TTN: variants seen among roughly 807,000 people sequenced by gnomAD.
TTN encodes the protein titin.
A neutral mutation model predicts 3,223.0 loss-of-function variants in TTN; 1,525 were observed. That is an observed-to-expected ratio of 0.47 (90% confidence interval 0.45 to 0.49). The LOEUF (loss-of-function observed/expected upper bound fraction) is 0.49. Among genes scored for constraint, TTN ranks in the 20% least tolerant of loss-of-function variants. TTN has a pLI of 0.00. For missense variants in TTN, 40,786 were observed against 43,424.0 expected (o/e 0.94, Z 5.40); for synonymous variants, 14,094 against 15,161.0 (o/e 0.93, Z 5.17).
Position 178,572,120 on chromosome 2 carries a change from A to G in TTN, c.74012T>C (p.Val24671Ala). ...TAATCCAGTGATAGTGGCTTCAGTGACCTTGACTGTGGCACACGTGGCCCA... is the reference window on the plus strand; with the variant it reads ...TAATCCAGTGATAGTGGCTTCAGTGGCCTTGACTGTGGCACACGTGGCCCA... ...DKWATCATVK[V>A]TEATITGLIQ... Residue 24671 changes from valine (V) to alanine (A), a missense_variant, in exon 326 of 363, where the codon GTC (valine) becomes GCC (alanine). Coordinates refer to ENST00000589042, the MANE Select transcript of TTN (RefSeq NM_001267550.2). The G allele has an allele frequency of 6.2e-7, 1 of 1,613,178 alleles. No individual in the cohort carries two copies. Among genetic ancestry groups the G allele is most frequent in the Non-Finnish European group, 8.5e-7 (1 of 1,179,520 alleles).
At position 178,724,482 on chromosome 2, in the gene TTN, A is replaced by G; in HGVS notation, c.20893T>C (p.Cys6965Arg). 1 of 1,612,342 alleles carries G rather than the reference A, an allele frequency of 6.2e-7. No homozygotes were observed. ...CCAGCCACCTTACACTCCAGAGTGCACGTTTCTCCTACAGTCACCGTCATC... is the reference window on the plus strand; with the variant it reads ...CCAGCCACCTTACACTCCAGAGTGCGCGTTTCTCCTACAGTCACCGTCATC... ...GPMTVTVGET[C>R]TLECKVAGTP... The change falls in exon 72 of 363, where the codon TGC becomes CGC. Residue 6965 changes from cysteine (C) to arginine (R), a missense_variant. By Grantham distance (180) the Cys-to-Arg change is radical. Transcript: ENST00000589042.
chr2:178,720,619 T>C lies in TTN; in HGVS notation c.23143A>G (p.Lys7715Glu). 6.2e-7 allele frequency: 1 copy of C among 1,610,480 alleles called. No homozygotes were observed. Among genetic ancestry groups the C allele is most frequent in the Non-Finnish European group, 8.5e-7 (1 of 1,178,602 alleles). ...CATTGGAGAATCACATCAGAACCTT[T>C]AAGAGCTCCTACTGGAGAAGGCTTC... Reference protein sequence around the residue: ...TQKPSPVGALKGSDVILQCEI... With the variant: ...TQKPSPVGALEGSDVILQCEI... The change falls in exon 80 of 363, where the codon AAA (lysine) becomes GAA (glutamate). Residue 7715 changes from lysine (K) to glutamate (E), a missense_variant. Transcript: ENST00000589042.
Position 178,633,631 on chromosome 2 carries a change from A to T in TTN, c.42728T>A (p.Val14243Glu). Reference protein sequence around the residue: ...FTVKLHDKTAVEKDEITLKCE... With the variant: ...FTVKLHDKTAEEKDEITLKCE... The stretch of plus-strand genomic sequence containing the variant: ...CTTCAAAGTAATCTCATCCTTCTCC[A>T]CTGCAGTTTTGTCATGTAATTTCAC... Residue 14243 changes from valine to glutamate, a missense_variant, in exon 232 of 363, where the codon GTG becomes GAG. Transcript: ENST00000589042. The T allele has an allele frequency of 6.2e-7, 1 of 1,613,004 alleles. No homozygotes were observed. The highest frequency in any genetic ancestry group is 8.5e-7 in the Non-Finnish European group (1 of 1,179,502).
chr2:178,717,860 C>T, intron 86 of TTN, 50 bp from the exon 87 acceptor site: 3 of 1,574,030 alleles, frequency 1.9e-6, no homozygotes, highest in Non-Finnish European at 2.6e-6. Context: ...AAGGCATCCA[C>T]AACATATTTC....
At position 178,733,392 on chromosome 2, in the gene TTN, A is replaced by G. The variant is rs727505349; in HGVS notation, c.15901T>C (p.Leu5301=). The stretch of plus-strand genomic sequence containing the variant: ...ATTCGGTATTTTTTACTGGCGACCA[A>G]GGGTCTCCCATCTTTGTACCATTTG... ...KPKWYKDGRP[L]VASKKYRISF... Residue 5301 remains leucine (L), a synonymous_variant, in exon 54 of 363, where the codon TTG becomes CTG. Transcript: ENST00000589042. The G allele has an allele frequency of 1.9e-6, 3 of 1,613,808 alleles. No individual in the cohort carries two copies. The South Asian group carries it at 3.3e-5, about 18-fold the overall frequency.
At chr2:178,641,983 T>C (rs1310806112) in intron 219 of TTN, among the ~76,000 whole-genome samples, 1 of 151,848 alleles carries the variant, frequency 6.6e-6, no homozygotes, top group Non-Finnish European at 1.5e-5. Flanking sequence ...GTTTAGAATA[T>C]TATCAACTTA....
chr2:178,799,185 G>C (rs540543061), intron 6 of TTN: 146 of 391,364 alleles, frequency 3.7e-4, no homozygotes, highest in Non-Finnish European at 6.3e-4. Context: ...AAACACTCCT[G>C]CCTTCCCGCC....
intron 6 of TTN, 193 bp downstream of exon 6, chr2:178,799,294 G>T: frequency 1.3e-6 from 1 of 797,518 alleles, no homozygotes; most frequent in Non-Finnish European, 2.0e-6. Flanking sequence ...ACAAGCGGCT[G>T]GATGTCCAGA....
Position 178,609,499 on chromosome 2 carries a change from T to C in TTN, c.51811A>G (p.Ile17271Val), listed in dbSNP as rs754159960. ...ATAGTTGGGTAAGGTGATCCAGAAA[T>C]ACTTGCATCAAGTGCTATTTCATCA... ...RGDEIALDAS[I>V]SGSPYPTITW... The change falls in exon 273 of 363, where the codon ATT becomes GTT. Residue 17271 changes from isoleucine (I) to valine (V), a missense_variant. Ile to Val is a conservative substitution (Grantham distance 29). Transcript: ENST00000589042. The C allele has an allele frequency of 6.2e-7, 1 of 1,612,572 alleles. No individual in the cohort carries two copies. Among genetic ancestry groups the C allele is most frequent in the South Asian group, 1.1e-5 (1 of 90,992 alleles).
intron 240 of TTN, among the ~76,000 whole-genome samples, chr2:178,625,809 C>T (rs2058956976): frequency 6.6e-6 from 1 of 151,776 alleles, no homozygotes; most frequent in Admixed American, 6.6e-5. Flanking sequence ...CAATGATAGA[C>T]CGGATTAAGA....
intron 43 of TTN, among the ~76,000 whole-genome samples, chr2:178,760,631 G>A (rs181220986): frequency 5.3e-5 from 8 of 152,216 alleles, no homozygotes; most frequent in African/African-American, 1.2e-4. Flanking sequence ...AATGGCATGC[G>A]TAATAATTTA....
In TTN at chr2:178,533,208, A is replaced by G. The variant is rs777153594; in HGVS notation, c.103407T>C (p.His34469=). ...CAATTTGTTTTTGTACGTGTCGCTC[A>G]TGCTCCTCCTTACTCTTGAATTCCT... is the stretch of plus-strand genomic sequence containing the variant. The part of the protein sequence containing the change: ...KKQEFKSKEE[H]ERHVQKQIDK... The change falls in exon 358 of 363, where the codon CAT becomes CAC. Residue 34469 remains histidine (H), a synonymous_variant. Coordinates refer to ENST00000589042, the MANE Select transcript of TTN (RefSeq NM_001267550.2). 5 of 1,613,780 alleles carry G rather than the reference A, an allele frequency of 3.1e-6. No individual in the cohort carries two copies. In the South Asian group the frequency reaches 3.3e-5, roughly 11 times the overall value.
chr2:178,721,042 G>A lies in TTN; in HGVS notation c.22977C>T (p.Phe7659=). The A allele has an allele frequency of 6.2e-7, 1 of 1,613,346 alleles. No homozygotes were observed. Among genetic ancestry groups the A allele is most frequent in the Non-Finnish European group, 8.5e-7 (1 of 1,179,424 alleles). ...TCGTAAGCAATGCCACAGAATTAATGAATGACATGTTGTATTTCCAACTTT... is the reference window on the plus strand; with the variant it reads ...TCGTAAGCAATGCCACAGAATTAATAAATGACATGTTGTATTTCCAACTTT... ...LHESWKYNMS[F]INSVALLTIN... Residue 7659 remains phenylalanine, a synonymous_variant, in exon 79 of 363, where the codon TTC becomes TTT. Coordinates refer to ENST00000589042, the MANE Select transcript of TTN (RefSeq NM_001267550.2).
intron 48 of TTN, 145 bp downstream of exon 48, chr2:178,738,996 C>G: frequency 1.8e-6 from 2 of 1,101,852 alleles, no homozygotes; most frequent in South Asian, 4.8e-5. Flanking sequence ...AGTTCATAAC[C>G]ATGATTATGT....
rs1394500734 is a variant in TTN at position 178,591,861 on chromosome 2, A to G, written c.59958T>C (p.His19986=). The G allele has an allele frequency of 2.5e-6, 4 of 1,613,184 alleles. No homozygotes were observed. The East Asian group carries it at 9.0e-5, about 36-fold the overall frequency. The change falls in exon 303 of 363, where the codon CAT becomes CAC. Residue 19986 remains histidine (H), a synonymous_variant. Coordinates refer to ENST00000589042, the MANE Select transcript of TTN (RefSeq NM_001267550.2). ...HPPGPPKDLH[H]VDVDKTEVSL... ...AGACTTCAGTCTTGTCAACATCTAC[A>G]TGGTGCAGGTCCTTGGGTGGCCCTG...
chr2:178,552,414 G>T lies in TTN; in HGVS notation c.90486C>A (p.Ser30162=). The part of the protein sequence containing the change: ...ELPYKGKPKP[S]ISWLKDGLPL... ...GCAAGCCATCTTTCAGCCAACTGAT[G>T]GATGGTTTGGGTTTTCCCTTATAAG... The change falls in exon 335 of 363, where the codon TCC becomes TCA. Residue 30162 remains serine, a synonymous_variant. Transcript: ENST00000589042. 6.3e-7 allele frequency: 1 copy of T among 1,595,578 alleles called. No individual in the cohort carries two copies. Among genetic ancestry groups the T allele is most frequent in the East Asian group, 2.2e-5 (1 of 44,488 alleles).
intron 118 of TTN, 44 bp from the exon 119 acceptor site, chr2:178,693,733 G>T (rs1342965101): frequency 1.4e-6 from 2 of 1,423,630 alleles, no homozygotes; most frequent in Non-Finnish European, 9.7e-7. Context: ...CCATGTTGTG[G>T]GTGGTAATTG....
rs1440560303 is a variant in TTN, at chr2:178,667,478, TCA to T, written c.35675_35676del (p.Val11892AspfsTer4). The T allele has an allele frequency of 1.2e-6, 2 of 1,600,078 alleles. No individual in the cohort carries two copies. The highest frequency in any genetic ancestry group is 3.3e-5 in the Admixed American group (2 of 59,792). On this transcript the variant is annotated frameshift_variant, in exon 161 of 363. Transcript: ENST00000589042. LOFTEE classifies it high-confidence loss of function. ...GGTGTTTCTCTCTTTTTAGGAATAGTCACATATATTTTGTCTTCTGGAACAAC... is the reference window on the plus strand; with the variant it reads ...GGTGTTTCTCTCTTTTTAGGAATAGTCATATATTTTGTCTTCTGGAACAAC... ...KKVVPEDKIY[V>X]TIPKKRETPA...
At chr2:178,725,189 A>G in intron 71 of TTN, 179 bp downstream of exon 71, 1 of 624,288 alleles carries the variant, frequency 1.6e-6, no homozygotes, top group Non-Finnish European at 2.4e-6. Context: ...AATTTTTGTT[A>G]GAATCACAGA....
Sources: allele counts gnomAD v4.1 joint callset (sites outside exome capture counted in the v4.1 genomes callset), GRCh38; gene constraint gnomAD v4.1.1; transcripts MANE v1.5; gene names NCBI Gene and HGNC (gene_info 2026-07-23, HGNC 2026-07-21).